Variants in GNPTAB observed in about 807,000 individuals in gnomAD.
The protein encoded by GNPTAB is N-acetylglucosamine-1-phosphotransferase subunits alpha/beta.
GNPTAB carries 92 observed loss-of-function variants against 136.6 expected under a neutral mutation model. That is an observed-to-expected ratio of 0.67 (90% confidence interval 0.57 to 0.80). The LOEUF is 0.80. Ranked by LOEUF, GNPTAB falls within the 30% of genes least tolerant of loss-of-function variation. The probability of loss-of-function intolerance (pLI) is 0.00; values close to 1 mark genes in which losing one functional copy is unlikely to be tolerated. For missense variants in GNPTAB, 1,343 were observed against 1,501.8 expected (o/e 0.89, Z 1.75); for synonymous variants, 512 against 535.1 (o/e 0.96, Z 0.60).
At position 101,810,449 on chromosome 12, in the gene GNPTAB, A is replaced by G. The variant is rs1181779383; in HGVS notation, c.118-13687T>C. On this transcript the variant is annotated intron_variant, in intron 1 of 20. Coordinates refer to ENST00000299314, the MANE Select transcript of GNPTAB (RefSeq NM_024312.5). ...CACACACATACACACACACACACAC[A>G]CACACACACACACACACACATATAT... 611 of 145,014 alleles carry G rather than the reference A, an allele frequency of 4.2e-3. 8 individuals are homozygous for G. The highest frequency in any genetic ancestry group is 0.015 in the African/African-American group (571 of 38,550). The allele number at this position is 145,014 out of a possible 1,614,324, so 9.0% of individuals were successfully genotyped here.
At chr12:101,765,761 T>C in intron 12 of GNPTAB, 1 of 364,774 alleles carries the variant, frequency 2.7e-6, no homozygotes, top group East Asian at 6.4e-5. Flanking sequence ...ATCAACAAAA[T>C]CCAGTGTTTG....
intron 1 of GNPTAB, among the ~76,000 whole-genome samples, chr12:101,815,470 G>A (rs1476613808): frequency 6.6e-6 from 1 of 152,094 alleles, no homozygotes; most frequent in East Asian, 1.9e-4. Flanking sequence ...ATGTTAGCTG[G>A]GCATGGTGGT....
intron 1 of GNPTAB, among the ~76,000 whole-genome samples, chr12:101,802,212 A>G (rs1292311208): frequency 2.7e-4 from 41 of 150,350 alleles, no homozygotes; most frequent in Middle Eastern, 6.8e-3. Flanking sequence ...AAAAAAAAAA[A>G]AAAAAGAAAA....
chr12:101,804,592 A>G (rs1869836705), intron 1 of GNPTAB, among the ~76,000 whole-genome samples: 1 of 152,232 alleles, frequency 6.6e-6, no homozygotes, highest in Non-Finnish European at 1.5e-5. Context: ...TGTGGCCACA[A>G]GTCATTATTT....
chr12:101,770,219 G>T (rs1188402405), intron 9 of GNPTAB, 28 bp from the exon 10 acceptor site: 2 of 1,610,026 alleles, frequency 1.2e-6, no homozygotes, highest in African/African-American at 2.7e-5. Context: ...CAAAAAAAGA[G>T]AGTGAATGAG....
chr12:101,765,175 C>A lies in GNPTAB; in HGVS notation c.1742G>T (p.Ser581Ile). The change falls in exon 13 of 21, where the codon AGT (serine) becomes ATT (isoleucine). Residue 581 changes from serine (S) to isoleucine (I), a missense_variant. Coordinates refer to ENST00000299314, the MANE Select transcript of GNPTAB (RefSeq NM_024312.5). ...AGCATGTCGAATTATTGGATTGTCA[C>A]TATAGGCACCTTCAACTCCTCTTTT... ...VAKRGVEGAY[S>I]DNPIIRHASI... is the part of the protein sequence containing the mutation. 6.2e-7 allele frequency: 1 copy of A among 1,614,164 alleles called. No individual in the cohort carries two copies. Among genetic ancestry groups the A allele is most frequent in the Non-Finnish European group, 8.5e-7 (1 of 1,180,022 alleles).
intron 9 of GNPTAB, 75 bp downstream of exon 9, chr12:101,770,331 T>C (rs1953151867): frequency 7.3e-7 from 1 of 1,374,536 alleles, no homozygotes; most frequent in Non-Finnish European, 1.0e-6. Context: ...GGAATGAAAT[T>C]ATGGAAATCC....
At chr12:101,769,831 G>T (rs996347920) in intron 10 of GNPTAB, among the ~76,000 whole-genome samples, 190 bp downstream of exon 10, 4 of 152,022 alleles carry the variant, frequency 2.6e-5, no homozygotes, top group Admixed American at 6.6e-5. Context: ...GTCTCACTAT[G>T]CTTCCCAAGC....
chr12:101,812,006 C>T (rs1870264216), intron 1 of GNPTAB, among the ~76,000 whole-genome samples: 1 of 150,300 alleles, frequency 6.7e-6, no homozygotes, highest in African/African-American at 2.4e-5. Flanking sequence ...AATCCCAGCA[C>T]TTTGGGAGGC....
intron 1 of GNPTAB, among the ~76,000 whole-genome samples, chr12:101,800,905 T>C (rs538002754): frequency 4.6e-5 from 7 of 152,214 alleles, no homozygotes; most frequent in African/African-American, 1.7e-4. Context: ...ATTGCCTCTC[T>C]ACAAGACACG....
chr12:101,814,181 C>T (rs1566098507), intron 1 of GNPTAB, among the ~76,000 whole-genome samples: 1 of 151,916 alleles, frequency 6.6e-6, no homozygotes, highest in Non-Finnish European at 1.5e-5. Flanking sequence ...AGCCTGTAGT[C>T]CCAGCTACCG....
intron 15 of GNPTAB, 112 bp downstream of exon 15, chr12:101,761,015 A>G (rs1334143648): frequency 1.3e-6 from 1 of 787,878 alleles, no homozygotes; most frequent in African/African-American, 1.7e-5. Flanking sequence ...TCCTGAGCTC[A>G]GCTGCCTCAG....
At chr12:101,753,253 CAAAA>C (rs994262825) in intron 19 of GNPTAB, 115 bp downstream of exon 19, 2 of 709,784 alleles carry the variant, frequency 2.8e-6, no homozygotes, top group Admixed American at 6.3e-5. Context: ...AACTCCGTCT[CAAAA>C]AAAAAAAATA....
intron 2 of GNPTAB, 76 bp downstream of exon 2, chr12:101,796,601 G>T: frequency 1.0e-6 from 1 of 957,360 alleles, no homozygotes; most frequent in Non-Finnish European, 1.7e-6. Context: ...CCCTTAAACT[G>T]TCATATTTAC....
intron 1 of GNPTAB, 42 bp downstream of exon 1, chr12:101,830,517 A>T: frequency 8.9e-7 from 1 of 1,120,942 alleles, no homozygotes; most frequent in Non-Finnish European, 1.4e-6. Context: ...AGGGCAGTGC[A>T]GGGTCGAGGC....
At chr12:101,800,604 C>CAAAAAAAAAAAAAAAAA (rs58129963) in intron 1 of GNPTAB, among the ~76,000 whole-genome samples, 3 of 74,284 alleles carry the variant, frequency 4.0e-5, no homozygotes, top group African/African-American at 5.3e-5. Context: ...ACTAAAAATA[C>CAAAAAAAAAAAAAAAAA]AAAAAAAAAA....
intron 18 of GNPTAB, chr12:101,756,816 CT>C: frequency 5.7e-6 from 1 of 175,896 alleles, no homozygotes. Flanking sequence ...GGTAGCATTC[CT>C]TTTTCCTCAA....
At chr12:101,792,554 T>C (rs1869052180) in intron 2 of GNPTAB, among the ~76,000 whole-genome samples, 1 of 152,220 alleles carries the variant, frequency 6.6e-6, no homozygotes, top group Non-Finnish European at 1.5e-5. Flanking sequence ...TTGCAGGACT[T>C]TGTACCTTTG....
intron 5 of GNPTAB, among the ~76,000 whole-genome samples, chr12:101,784,798 G>A (rs966586748): frequency 1.3e-5 from 2 of 152,192 alleles, no homozygotes; most frequent in Non-Finnish European, 2.9e-5. Flanking sequence ...GATAGAATGG[G>A]AGCTAGAGAA....
Sources: gnomAD v4.1 joint callset for allele counts (sites outside exome capture counted in the v4.1 genomes callset) on GRCh38, gnomAD v4.1.1 for gene constraint, MANE v1.5 for transcripts, NCBI Gene and HGNC (gene_info 2026-07-23, HGNC 2026-07-21) for gene names.